The following SLC25A16 variants were observed in gnomAD, a reference collection of about 807,000 sequenced individuals.
SLC25A16 encodes the protein solute carrier family 25 member 16, also known as mitochondrial coenzyme A transporter SLC25A16.
Under a neutral mutation model 41.5 loss-of-function variants are expected in SLC25A16, and 39 were observed. The ratio of observed to expected loss-of-function variants is 0.94; its 90% CI spans 0.73 to 1.23. The LOEUF (loss-of-function observed/expected upper bound fraction) is 1.23, where lower values mean the gene tolerates loss of function less well. Among genes scored for constraint, SLC25A16 ranks in the 50% most tolerant of loss-of-function variants. The pLI, the probability that SLC25A16 is intolerant of heterozygous loss-of-function variation, is 0.00. For synonymous variants in SLC25A16, 146 were observed against 147.8 expected, an observed-to-expected ratio of 0.99 and a Z score of 0.09; for missense variants, 421 against 426.9, an observed-to-expected ratio of 0.99 and a Z score of 0.12.
chr10:68,509,731 CTA>C (rs1184144089), intron 2 of SLC25A16, among the ~76,000 whole-genome samples: 1 of 136,928 alleles, frequency 7.3e-6, no homozygotes, highest in African/African-American at 2.9e-5. Flanking sequence ...ATCTATCTAT[CTA>C]TATATATATC....
chr10:68,520,021 G>A (rs1185483146), intron 1 of SLC25A16, among the ~76,000 whole-genome samples: 1 of 144,982 alleles, frequency 6.9e-6, no homozygotes, highest in Admixed American at 7.0e-5. Flanking sequence ...TGCGATCTCG[G>A]CTCACTACAA....
At chr10:68,492,381 T>A (rs763519860) in intron 6 of SLC25A16, among the ~76,000 whole-genome samples, 7 of 152,110 alleles carry the variant, frequency 4.6e-5, no homozygotes, top group Non-Finnish European at 7.3e-5. Context: ...TAAAGCCAAC[T>A]GAGATGTTTA....
intron 2 of SLC25A16, among the ~76,000 whole-genome samples, chr10:68,510,742 G>A (rs188501248): frequency 2.4e-4 from 36 of 152,290 alleles, no homozygotes; most frequent in African/African-American, 8.2e-4. Context: ...AGAGGCTGAG[G>A]CAGGAGAATT....
Position 68,503,685 on chromosome 10 carries a change from G to A in SLC25A16, c.368C>T (p.Thr123Met), listed in dbSNP as rs760386255. ...CACATGACCTGAAATTCCCAGCTTC[G>A]TAGTAATTAACTAGAAAACAAGAAC... The part of the protein sequence containing the change: ...AFEHYKTLIT[T>M]KLGISGHVHR... The change falls in exon 4 of 9, where the codon ACG (threonine) becomes ATG (methionine). Residue 123 changes from threonine to methionine, a missense_variant. Coordinates refer to ENST00000609923, the MANE Select transcript of SLC25A16 (RefSeq NM_152707.4). 36 of 1,599,516 alleles carry A rather than the reference G, an allele frequency of 2.3e-5. No individual in the cohort carries two copies. The highest frequency in any genetic ancestry group is 3.3e-4 in the Middle Eastern group (2 of 6,040).
chr10:68,483,351 G>A lies in SLC25A16; in HGVS notation c.*81C>T. Reference sequence around the variant, plus strand: ...TGACAGGGTAAATATCCCCATTCAAGTAATGTTCCCCCCACAATTATAGTA... The same window carrying A: ...TGACAGGGTAAATATCCCCATTCAAATAATGTTCCCCCCACAATTATAGTA... On this transcript the variant is annotated 3_prime_UTR_variant, in exon 9 of 9. Coordinates refer to ENST00000609923, the MANE Select transcript of SLC25A16 (RefSeq NM_152707.4). 8 of 912,836 alleles carry A rather than the reference G, an allele frequency of 8.8e-6. No homozygotes were observed. The highest frequency in any genetic ancestry group is 5.6e-5 in the South Asian group (3 of 53,526). The allele number at this position is 912,836 out of a possible 1,614,324, so 56.5% of individuals were successfully genotyped here.
At chr10:68,492,682 C>CA (rs1325741507) in intron 6 of SLC25A16, among the ~76,000 whole-genome samples, 3 of 148,848 alleles carry the variant, frequency 2.0e-5, no homozygotes, top group Admixed American at 6.7e-5. Context: ...AACTCCGTCT[C>CA]AAAAAACAAA....
At chr10:68,488,734 G>C in intron 6 of SLC25A16, 105 bp from the exon 7 acceptor site, 1 of 923,876 alleles carries the variant, frequency 1.1e-6, no homozygotes. Context: ...CTGGTGTTTG[G>C]CTTAATTTAA....
intron 8 of SLC25A16, among the ~76,000 whole-genome samples, chr10:68,484,457 T>C: frequency 1.3e-5 from 2 of 148,918 alleles, no homozygotes; most frequent in Non-Finnish European, 3.0e-5. Flanking sequence ...AGACAGGTTC[T>C]CACTCTGTTG....
At chr10:68,507,217 C>T (rs937495369) in intron 2 of SLC25A16, among the ~76,000 whole-genome samples, 4 of 151,568 alleles carry the variant, frequency 2.6e-5, no homozygotes, top group Non-Finnish European at 4.4e-5. Context: ...GGATTACACG[C>T]GCCCGCCACC....
intron 2 of SLC25A16, among the ~76,000 whole-genome samples, chr10:68,508,081 A>C (rs1397527245): frequency 1.3e-5 from 2 of 152,002 alleles, no homozygotes; most frequent in African/African-American, 2.4e-5. Context: ...AAATACAAAA[A>C]TTAGGCAGGC....
chr10:68,518,258 A>G (rs1248777839), intron 1 of SLC25A16: 1 of 151,676 alleles, frequency 6.6e-6, no homozygotes, highest in African/African-American at 2.4e-5. Context: ...TTTCTACTAA[A>G]AATAAAAAAA....
At chr10:68,490,923 T>C (rs1280031823) in intron 6 of SLC25A16, among the ~76,000 whole-genome samples, 1 of 151,916 alleles carries the variant, frequency 6.6e-6, no homozygotes, top group Non-Finnish European at 1.5e-5. Flanking sequence ...AGGGTCTTAC[T>C]CTGTCATTCA....
intron 1 of SLC25A16, among the ~76,000 whole-genome samples, chr10:68,526,066 C>G (rs1184390192): frequency 6.6e-6 from 1 of 151,878 alleles, no homozygotes; most frequent in East Asian, 1.9e-4. Context: ...AAGACCTGAA[C>G]GTCCCCCAGC....
At position 68,488,631 on chromosome 10, in the gene SLC25A16, T is replaced by A. The variant is rs774162437; in HGVS notation, c.611-2A>T. 6.2e-7 allele frequency: 1 copy of A among 1,610,840 alleles called. No homozygotes were observed. The highest frequency in any genetic ancestry group is 1.7e-5 in the Admixed American group (1 of 59,380). On this transcript the variant is annotated splice_acceptor_variant, in intron 6 of 8. Coordinates refer to ENST00000609923, the MANE Select transcript of SLC25A16 (RefSeq NM_152707.4). LOFTEE classifies it high-confidence loss of function. Reference sequence around the variant, plus strand: ...TACCAAAAGTAAAAAATGAAACACCTGAAAAACAAAAAATAAATTCACCAT... The same window carrying A: ...TACCAAAAGTAAAAAATGAAACACCAGAAAAACAAAAAATAAATTCACCAT...
intron 2 of SLC25A16, among the ~76,000 whole-genome samples, chr10:68,514,947 A>G (rs2053134748): frequency 6.6e-6 from 1 of 151,706 alleles, no homozygotes; most frequent in East Asian, 2.0e-4. Context: ...CATGTTGGCC[A>G]AGCTGATCTC....
intron 1 of SLC25A16, 33 bp downstream of exon 1, chr10:68,527,213 G>C (rs1470879072): frequency 1.3e-6 from 2 of 1,543,136 alleles, no homozygotes; most frequent in Non-Finnish European, 1.7e-6. Context: ...CCGCCACTCA[G>C]AGCGCGGCTG....
chr10:68,522,590 C>T (rs554932269), intron 1 of SLC25A16, among the ~76,000 whole-genome samples: 27 of 152,038 alleles, frequency 1.8e-4, no homozygotes, highest in South Asian at 2.1e-4. Flanking sequence ...CCGAGGCAGG[C>T]GGATCACGAG....
chr10:68,493,056 A>T, intron 6 of SLC25A16, 76 bp downstream of exon 6: 1 of 804,366 alleles, frequency 1.2e-6, no homozygotes, highest in Non-Finnish European at 2.1e-6. Flanking sequence ...TTTTTATATT[A>T]CCATTTCAGA....
chr10:68,500,244 C>T (rs1230900393), intron 4 of SLC25A16, among the ~76,000 whole-genome samples: 1 of 152,028 alleles, frequency 6.6e-6, no homozygotes, highest in Admixed American at 6.5e-5. Flanking sequence ...GCAAAGATAC[C>T]AGACATAAAT....
Sources: gnomAD v4.1 joint callset for allele counts (sites outside exome capture counted in the v4.1 genomes callset) on GRCh38, gnomAD v4.1.1 for gene constraint, MANE v1.5 for transcripts, NCBI Gene and HGNC (gene_info 2026-07-23, HGNC 2026-07-21) for gene names.